MTDH: variants seen among roughly 807,000 people sequenced by gnomAD.
The protein encoded by MTDH is protein LYRIC.
Under a neutral mutation model 72.7 loss-of-function variants are expected in MTDH, and 34 were observed. The observed-to-expected ratio is 0.47, with a 90% CI of 0.36 to 0.62. The LOEUF is 0.62. Ranked by LOEUF, MTDH falls within the 20% of genes least tolerant of loss-of-function variation. MTDH has a pLI of 0.00. For missense variants in MTDH, 677 were observed against 699.4 expected (o/e 0.97, Z 0.36); for synonymous variants, 266 against 268.9 (o/e 0.99, Z 0.10).
chr8:97,654,161 A>G (rs1227282698), intron 1 of MTDH, among the ~76,000 whole-genome samples: 1 of 152,292 alleles, frequency 6.6e-6, no homozygotes, highest in South Asian at 2.1e-4. Flanking sequence ...ATATCTCAGT[A>G]TATAGTGAGA....
intron 6 of MTDH, among the ~76,000 whole-genome samples, chr8:97,694,995 G>T (rs1349076132): frequency 6.6e-6 from 1 of 151,912 alleles, no homozygotes; most frequent in African/African-American, 2.4e-5. Context: ...ATTAATTTCT[G>T]TGCTATAAAG....
rs777311045 is a variant in MTDH at position 97,696,945 on chromosome 8, ATAAAGT to A, written c.1049-2803_1049-2798del. Among the ~76,000 whole-genome samples, 311 of 150,746 alleles carry A rather than the reference ATAAAGT, an allele frequency of 2.1e-3. 3 individuals carry two copies. The highest frequency in any genetic ancestry group is 2.4e-3 in the Non-Finnish European group (166 of 67,776). ...CCAGCCTGGGCAACTACATCACCACATAAAGTTAAAGAAAAATTAGCCAGGCATGGT... is the reference window on the plus strand; with the variant it reads ...CCAGCCTGGGCAACTACATCACCACATAAAGAAAAATTAGCCAGGCATGGT... On this transcript the variant is annotated intron_variant, in intron 6 of 11. Transcript: ENST00000336273.
intron 4 of MTDH, 66 bp from the exon 5 acceptor site, chr8:97,688,972 A>G: frequency 2.9e-6 from 2 of 700,932 alleles, no homozygotes; most frequent in Admixed American, 2.8e-5. Context: ...TTTATGTGTT[A>G]CTCCTAATTT....
At chr8:97,710,136 A>T (rs908179183) in intron 8 of MTDH, among the ~76,000 whole-genome samples, 1 of 152,174 alleles carries the variant, frequency 6.6e-6, no homozygotes, top group Non-Finnish European at 1.5e-5. Context: ...ACCAGCCTAG[A>T]CTGAAAATCT....
At chr8:97,645,628 G>T (rs1040335726) in intron 1 of MTDH, among the ~76,000 whole-genome samples, 2 of 152,168 alleles carry the variant, frequency 1.3e-5, no homozygotes, top group Non-Finnish European at 2.9e-5. Flanking sequence ...GGAGATGACA[G>T]GGCAGAATGG....
intron 2 of MTDH, among the ~76,000 whole-genome samples, chr8:97,670,937 T>TTTGTTG (rs1235208650): frequency 3.9e-4 from 57 of 145,272 alleles, no homozygotes; most frequent in Admixed American, 4.8e-4. Flanking sequence ...TTTTGTTTTT[T>TTTGTTG]TTGTTGTTGT....
chr8:97,645,106 G>A (rs965459940), intron 1 of MTDH, among the ~76,000 whole-genome samples: 3 of 152,188 alleles, frequency 2.0e-5, no homozygotes, highest in African/African-American at 7.2e-5. Context: ...GCCCAGTTTC[G>A]AGGAAGGAAG....
chr8:97,684,196 A>G (rs949324042), intron 2 of MTDH, among the ~76,000 whole-genome samples: 5 of 151,614 alleles, frequency 3.3e-5, no homozygotes, highest in African/African-American at 1.2e-4. Flanking sequence ...TGTAAAATAC[A>G]TGCCAGATTT....
chr8:97,679,191 A>T (rs1054402093), intron 2 of MTDH, among the ~76,000 whole-genome samples: 3 of 152,174 alleles, frequency 2.0e-5, no homozygotes, highest in Non-Finnish European at 2.9e-5. Context: ...GCATTTACCT[A>T]GGGTTACTTT....
At chr8:97,681,834 T>G (rs909245001) in intron 2 of MTDH, among the ~76,000 whole-genome samples, 3 of 152,124 alleles carry the variant, frequency 2.0e-5, no homozygotes, top group Non-Finnish European at 4.4e-5. Flanking sequence ...GTCATCCTCC[T>G]ATTAGATGAT....
At chr8:97,707,723 A>T (rs1174024203) in intron 8 of MTDH, among the ~76,000 whole-genome samples, 1 of 151,970 alleles carries the variant, frequency 6.6e-6, no homozygotes, top group African/African-American at 2.4e-5. Flanking sequence ...GTCTGTCAAT[A>T]CAAAGGGAAA....
rs767390743 is a variant in MTDH, at chr8:97,722,872, A to G, written c.1522-7A>G. 10 of 1,581,144 alleles carry G rather than the reference A, an allele frequency of 6.3e-6. No homozygotes were observed. The highest frequency in any genetic ancestry group is 8.6e-6 in the Non-Finnish European group (10 of 1,168,104). ...AAAAAACCTGAGATGATTTTTTCCT[A>G]AAATAGCCTATCAAGACTCTTCCAC... is the stretch of plus-strand genomic sequence containing the variant. On this transcript the variant is annotated splice_polypyrimidine_tract_variant and splice_region_variant and intron_variant, in intron 10 of 11. Transcript: ENST00000336273.
At chr8:97,723,122 G>C in intron 11 of MTDH, 87 bp downstream of exon 11, 10 of 1,398,426 alleles carry the variant, frequency 7.2e-6, no homozygotes, top group Non-Finnish European at 9.7e-6. Context: ...ATGGAGGCCA[G>C]GCGCAGTGGC....
intron 6 of MTDH, among the ~76,000 whole-genome samples, chr8:97,697,381 G>GTTTTTTTTTT (rs755015450): frequency 1.2e-5 from 1 of 80,178 alleles, no homozygotes; most frequent in Non-Finnish European, 2.2e-5. Context: ...TATTATTTCG[G>GTTTTTTTTTT]TTTTTTTTTT....
intron 1 of MTDH, among the ~76,000 whole-genome samples, chr8:97,660,827 G>A (rs949379719): frequency 2.6e-5 from 4 of 151,822 alleles, no homozygotes; most frequent in African/African-American, 9.7e-5. Flanking sequence ...TTGTTAGAGG[G>A]ACTGATACCT....
chr8:97,718,183 C>T (rs1297708654), intron 9 of MTDH, among the ~76,000 whole-genome samples: 1 of 152,120 alleles, frequency 6.6e-6, no homozygotes, highest in Non-Finnish European at 1.5e-5. Flanking sequence ...GCTGGGATTA[C>T]AGGCGTGCGC....
chr8:97,728,777 T>C lies in MTDH; in HGVS notation c.*4107T>C, dbSNP rs1161380509. The C allele has an allele frequency of 6.8e-6, 1 of 146,540 alleles. No individual in the cohort carries two copies. The highest frequency in any genetic ancestry group is 1.5e-5 in the Non-Finnish European group (1 of 67,106). 9.1% of individuals were successfully genotyped at this position (146,540 alleles called of 1,614,324 possible). On this transcript the variant is annotated 3_prime_UTR_variant, in exon 12 of 12. Coordinates refer to ENST00000336273, the MANE Select transcript of MTDH (RefSeq NM_178812.4). ...CTCGACAAAAAAAAAAAAAAAAAAT[T>C]AGAAACAAAAAAAAGATTGTTTCTC...
chr8:97,678,668 G>C (rs1812952832), intron 2 of MTDH, among the ~76,000 whole-genome samples: 1 of 137,196 alleles, frequency 7.3e-6, no homozygotes, highest in Non-Finnish European at 1.5e-5. Flanking sequence ...CGAACTCCTG[G>C]CCTCAAACAA....
chr8:97,645,124 G>A (rs1199811671), intron 1 of MTDH, among the ~76,000 whole-genome samples: 1 of 152,206 alleles, frequency 6.6e-6, no homozygotes, highest in Non-Finnish European at 1.5e-5. Flanking sequence ...AAGTTAGGAG[G>A]TCTGGGGGTC....
Sources: allele counts gnomAD v4.1 joint callset (sites outside exome capture counted in the v4.1 genomes callset), GRCh38; gene constraint gnomAD v4.1.1; transcripts MANE v1.5; gene names NCBI Gene and HGNC (gene_info 2026-07-23, HGNC 2026-07-21).